The following OTOG variants were observed in gnomAD, a reference collection of about 807,000 sequenced individuals.
The protein encoded by OTOG is otogelin.
OTOG carries 296 observed loss-of-function variants against 313.8 expected under a neutral mutation model. The ratio of observed to expected loss-of-function variants is 0.94; its 90% CI spans 0.86 to 1.04. The LOEUF is 1.04. Ranked by LOEUF, OTOG falls within the 50% of genes least tolerant of loss-of-function variation. The pLI is 0.00. For synonymous variants in OTOG, 1,533 were observed against 1,554.9 expected (o/e 0.99, Z 0.33); for missense variants, 3,948 against 3,840.1 (o/e 1.03, Z -0.74).
chr11:17,555,776 C>T lies in OTOG; in HGVS notation c.541-3C>T, dbSNP rs757781261. 2 of 1,549,660 alleles carry T rather than the reference C, an allele frequency of 1.3e-6. No homozygotes were observed. The highest frequency in any genetic ancestry group is 1.4e-5 in the African/African-American group (1 of 73,030). On this transcript the variant is annotated splice_region_variant and splice_polypyrimidine_tract_variant and intron_variant, in intron 6 of 55. Transcript: ENST00000399397. The stretch of plus-strand genomic sequence containing the variant: ...CAAACCAGCCTCTGAACTCCCTACT[C>T]AGGTACACAATGACCCGCAGTGTGG...
chr11:17,638,868 C>G, intron 48 of OTOG: 1 of 1,138,956 alleles, frequency 8.8e-7, no homozygotes, highest in Non-Finnish European at 1.2e-6. Flanking sequence ...GAGGCCAAGG[C>G]GGGTGGATCA....
At chr11:17,548,033 G>C in intron 2 of OTOG, 46 bp downstream of exon 2, 1 of 1,130,376 alleles carries the variant, frequency 8.8e-7, no homozygotes, top group Non-Finnish European at 1.2e-6. Flanking sequence ...GCTCCCATCC[G>C]TATTTCTGGC....
chr11:17,568,178 A>AT (rs1298381415), intron 15 of OTOG, among the ~76,000 whole-genome samples: 1 of 152,158 alleles, frequency 6.6e-6, no homozygotes, highest in East Asian at 1.9e-4. Context: ...GAGTGCTGAG[A>AT]TTACAGGCGT....
chr11:17,554,846 T>C (rs993434860), intron 6 of OTOG, among the ~76,000 whole-genome samples: 1 of 152,204 alleles, frequency 6.6e-6, no homozygotes, highest in East Asian at 1.9e-4. Flanking sequence ...ATCACAACCA[T>C]CATTAAAAAA....
intron 6 of OTOG, among the ~76,000 whole-genome samples, chr11:17,554,264 T>C (rs1421652364): frequency 1.3e-5 from 2 of 152,222 alleles, no homozygotes; most frequent in Non-Finnish European, 2.9e-5. Context: ...TATGACGCTG[T>C]CATTGTATTT....
chr11:17,591,314 G>A, intron 24 of OTOG, 136 bp from the exon 25 acceptor site: 1 of 1,219,300 alleles, frequency 8.2e-7, no homozygotes, highest in South Asian at 1.6e-5. Flanking sequence ...CCAGGCTCCT[G>A]TTAGAGGTTG....
intron 37 of OTOG, 133 bp from the exon 38 acceptor site, chr11:17,612,487 G>A: frequency 7.2e-7 from 1 of 1,392,872 alleles, no homozygotes; most frequent in Non-Finnish European, 9.5e-7. Context: ...GTGATGCGTG[G>A]TCTGAGCCAC....
intron 24 of OTOG, among the ~76,000 whole-genome samples, chr11:17,590,107 A>G (rs1234353413): frequency 1.3e-5 from 2 of 152,170 alleles, no homozygotes; most frequent in African/African-American, 2.4e-5. Flanking sequence ...TCATGGCTAC[A>G]AGGCCCATCC....
chr11:17,570,469 A>G, intron 17 of OTOG, 79 bp downstream of exon 17: 4 of 1,371,008 alleles, frequency 2.9e-6, no homozygotes, highest in Non-Finnish European at 4.0e-6. Context: ...CACTGCCTAA[A>G]TGTCTCTCCC....
At chr11:17,624,679 C>G (rs567095927) in intron 39 of OTOG, among the ~76,000 whole-genome samples, 1 of 151,662 alleles carries the variant, frequency 6.6e-6, no homozygotes, top group Non-Finnish European at 1.5e-5. Flanking sequence ...GTTTTTTTTT[C>G]TAGTTCTGTG....
intron 47 of OTOG, among the ~76,000 whole-genome samples, chr11:17,636,212 T>C (rs1171255104): frequency 2.6e-5 from 4 of 152,206 alleles, no homozygotes; most frequent in African/African-American, 7.2e-5. Flanking sequence ...GTATGTATGA[T>C]ACTGTATATA....
Position 17,573,112 on chromosome 11 carries a change from G to C in OTOG, c.2115G>C (p.Thr705=). 6.5e-7 allele frequency: 1 copy of C among 1,548,032 alleles called. No individual in the cohort carries two copies. Among genetic ancestry groups the C allele is most frequent in the Non-Finnish European group, 8.7e-7 (1 of 1,146,954 alleles). ...SYSVQACSVL[T]GEMFAPCSAF... ...CAGTGCAGGCCTGCAGCGTGCTCAC[G>C]GGGGAGATGTTTGCGCCCTGCTCTG... The change falls in exon 19 of 56, where the codon ACG becomes ACC. Residue 705 remains threonine (T), a synonymous_variant. Transcript: ENST00000399397.
chr11:17,606,000 C>CGGCA lies in OTOG; in HGVS notation c.4029_4032dup (p.Leu1345ArgfsTer98). The stretch of plus-strand genomic sequence containing the variant: ...CTCCTTCTTGCTGCACCGGGGGACA[C>CGGCA]GGCAGGCAGGCCTGGTGGCCCTGGA... On this transcript the variant is annotated frameshift_variant, in exon 33 of 56. Transcript: ENST00000399397. LOFTEE classifies it high-confidence loss of function. 2 of 1,550,602 alleles carry CGGCA rather than the reference C, an allele frequency of 1.3e-6. No homozygotes were observed. Among genetic ancestry groups the CGGCA allele is most frequent in the Non-Finnish European group, 1.7e-6 (2 of 1,146,992 alleles).
At position 17,609,881 on chromosome 11, in the gene OTOG, G is replaced by A; in HGVS notation, c.4581G>A (p.Gln1527=). The change falls in exon 36 of 56, where the codon CAG becomes CAA. Residue 1527 remains glutamine, a synonymous_variant. Transcript: ENST00000399397. The part of the protein sequence containing the change: ...EEPVVSPGPT[Q]TTLQQPLELT... ...CAGTGGTGTCTCCAGGCCCCACCCA[G>A]ACCACCCTGCAGCAGCCACTGGAGC... 1 of 1,514,192 alleles carries A rather than the reference G, an allele frequency of 6.6e-7. No individual in the cohort carries two copies. The highest frequency in any genetic ancestry group is 1.4e-5 in the African/African-American group (1 of 72,546). 93.8% of individuals were successfully genotyped at this position (1,514,192 alleles called of 1,614,324 possible).
At position 17,640,945 on chromosome 11, in the gene OTOG, G is replaced by T; in HGVS notation, c.8044G>T (p.Gly2682Cys). ...CCCGGTGTGTCTGAGCCGCGAGCTG[G>T]GTGTGATGCAGCCCGGCCAGACAGT... Reference protein sequence around the residue: ...KAPVCLSRELGVMQPGQTVVE... With the variant: ...KAPVCLSRELCVMQPGQTVVE... Residue 2682 changes from glycine (G) to cysteine (C), a missense_variant, in exon 51 of 56, where the codon GGT becomes TGT. Physicochemically the swap from Gly to Cys is radical, Grantham distance 159 (BLOSUM62 -3). Coordinates refer to ENST00000399397, the MANE Select transcript of OTOG (RefSeq NM_001292063.2). 1 of 1,548,310 alleles carries T rather than the reference G, an allele frequency of 6.5e-7. No homozygotes were observed.
intron 48 of OTOG, 143 bp from the exon 49 acceptor site, chr11:17,639,280 C>A: frequency 1.2e-6 from 1 of 809,878 alleles, no homozygotes; most frequent in Non-Finnish European, 2.0e-6. Context: ...AGATTTGGGC[C>A]TCTTCCTCTC....
At position 17,574,811 on chromosome 11, in the gene OTOG, G is replaced by T. The variant is rs564595203; in HGVS notation, c.2385G>T (p.Gly795=). The T allele has an allele frequency of 4.6e-5, 71 of 1,550,554 alleles. No homozygotes were observed. The African/African-American group carries it at 8.5e-4, about 19-fold the overall frequency. The change falls in exon 20 of 56, where the codon GGG becomes GGT. Residue 795 remains glycine, a synonymous_variant. Transcript: ENST00000399397. The part of the protein sequence containing the change: ...CQDLASPEAC[G]VDGGDDLSRD... ...ACCTGGCCAGCCCTGAGGCCTGTGG[G>T]GTTGATGGTGGCGATGACCTGAGCA...
At chr11:17,635,896 A>AG (rs1445543777) in intron 47 of OTOG, among the ~76,000 whole-genome samples, 185 bp downstream of exon 47, 1 of 152,196 alleles carries the variant, frequency 6.6e-6, no homozygotes, top group African/African-American at 2.4e-5. Context: ...TCAGGCTGTC[A>AG]GGCTGGAGGG....
At chr11:17,639,775 G>C (rs1374028955) in intron 49 of OTOG, among the ~76,000 whole-genome samples, 1 of 151,862 alleles carries the variant, frequency 6.6e-6, no homozygotes, top group Non-Finnish European at 1.5e-5. Flanking sequence ...TGGTGGTGAC[G>C]ATGGTGATAG....
Sources: allele counts gnomAD v4.1 joint callset (sites outside exome capture counted in the v4.1 genomes callset), GRCh38; gene constraint gnomAD v4.1.1; transcripts MANE v1.5; gene names NCBI Gene and HGNC (gene_info 2026-07-23, HGNC 2026-07-21).